RFTN1: variants seen among roughly 807,000 people sequenced by gnomAD.
The protein encoded by RFTN1 is raftlin.
Under a neutral mutation model 46.5 loss-of-function variants are expected in RFTN1, and 26 were observed. The observed-to-expected ratio is 0.56, with a 90% CI of 0.41 to 0.78. The LOEUF (loss-of-function observed/expected upper bound fraction) is 0.78, where lower values mean the gene tolerates loss of function less well. Among genes scored for constraint, RFTN1 ranks in the 30% least tolerant of loss-of-function variants. The pLI is 0.00. For missense variants in RFTN1, 693 were observed against 718.7 expected (o/e 0.96, Z 0.41); for synonymous variants, 261 against 284.2 (o/e 0.92, Z 0.82).
At chr3:16,463,839 T>C (rs2076045934) in intron 2 of RFTN1, among the ~76,000 whole-genome samples, 1 of 152,128 alleles carries the variant, frequency 6.6e-6, no homozygotes, top group Non-Finnish European at 1.5e-5. Context: ...GTCAGGAAAA[T>C]AGAGTTGGGG....
At chr3:16,455,059 A>G (rs2075882478) in intron 2 of RFTN1, among the ~76,000 whole-genome samples, 1 of 152,134 alleles carries the variant, frequency 6.6e-6, no homozygotes, top group East Asian at 1.9e-4. Context: ...CTGATAAATG[A>G]GGGCTGGCGG....
Position 16,402,008 on chromosome 3 carries a change from G to C in RFTN1, c.441+7367C>G, listed in dbSNP as rs533082934. Among the ~76,000 whole-genome samples the C allele has an allele frequency of 1.4e-3, 208 of 152,264 alleles. 2 individuals carry two copies. The highest frequency in any genetic ancestry group is 4.8e-3 in the African/African-American group (198 of 41,564). ...CCACATCTCTGTTCCTGGCTTTCTT[G>C]CAAGTCCCAGCCCAACAACCACAGC... On this transcript the variant is annotated intron_variant, in intron 4 of 9. Transcript: ENST00000334133. This position sits in a 1 kb window ranked among gnomAD's most constrained non-coding sequence, Gnocchi z 4.5.
Position 16,335,148 on chromosome 3 carries a change from TTTG to T in RFTN1, c.1147-8275_1147-8273del, listed in dbSNP as rs1330575765. Among the ~76,000 whole-genome samples the T allele has an allele frequency of 2.6e-5, 4 of 152,218 alleles. No individual in the cohort carries two copies. The highest frequency in any genetic ancestry group is 2.6e-4 in the Admixed American group (4 of 15,280). ...TTGTTTTAAGTCACTAAATCTGTGA[TTTG>T]TTGCCGCAGCAACAGGAAATTAATC... On this transcript the variant is annotated intron_variant, in intron 7 of 9. Coordinates refer to ENST00000334133, the MANE Select transcript of RFTN1 (RefSeq NM_015150.2). This position sits in a 1 kb window ranked among gnomAD's most constrained non-coding sequence, Gnocchi z 4.7.
At chr3:16,454,304 T>A (rs894135946) in intron 2 of RFTN1, among the ~76,000 whole-genome samples, 1 of 152,250 alleles carries the variant, frequency 6.6e-6, no homozygotes, top group Non-Finnish European at 1.5e-5. Flanking sequence ...AGTGAGACCA[T>A]GCCGTGCTGA....
chr3:16,382,783 T>C lies in RFTN1; in HGVS notation c.442-4681A>G, dbSNP rs140729809. On this transcript the variant is annotated intron_variant, in intron 4 of 9. Transcript: ENST00000334133. The surrounding 1 kb of genome is among the most constrained non-coding windows in gnomAD (Gnocchi z 4.7). Reference sequence around the variant, plus strand: ...TCTGGAATTACTTCCTCCTTCTCCATAAAGTGACCATCCAAGCTCACTTTA... The same window carrying C: ...TCTGGAATTACTTCCTCCTTCTCCACAAAGTGACCATCCAAGCTCACTTTA... 1.6e-3 allele frequency among the ~76,000 whole-genome samples: 249 copies of C among 152,296 alleles called. 1 individual carries two copies. The highest frequency in any genetic ancestry group is 0.01 in the Middle Eastern group (3 of 294).
chr3:16,331,974 A>ATC (rs1468219485), intron 7 of RFTN1, among the ~76,000 whole-genome samples: 1 of 152,236 alleles, frequency 6.6e-6, no homozygotes, highest in Non-Finnish European at 1.5e-5. Flanking sequence ...TGCTATTGAG[A>ATC]TAATCTATTC....
chr3:16,437,637 G>C (rs2075542328), intron 2 of RFTN1, among the ~76,000 whole-genome samples: 1 of 152,050 alleles, frequency 6.6e-6, no homozygotes, highest in African/African-American at 2.4e-5. Flanking sequence ...CTCCAGCCTG[G>C]GGTGACAGAG....
chr3:16,507,818 CATACAT>C lies in RFTN1; in HGVS notation c.-9+5618_-9+5623del, dbSNP rs754111800. On this transcript the variant is annotated intron_variant, in intron 1 of 9. Transcript: ENST00000334133. The surrounding 1 kb of genome is among the most constrained non-coding windows in gnomAD (Gnocchi z 7.1). ...AAACACACACAAACGCACATACATACATACATACACACACACACACATACACACATA... is the reference window on the plus strand; with the variant it reads ...AAACACACACAAACGCACATACATACACACACACACACACATACACACATA... Among the ~76,000 whole-genome samples, 2 of 129,996 alleles carry C rather than the reference CATACAT, an allele frequency of 1.5e-5. No homozygotes were observed. Among genetic ancestry groups the C allele is most frequent in the African/African-American group, 5.8e-5 (2 of 34,720 alleles). The allele number at this position is 129,996 out of a possible 152,430, so 85.3% of individuals were successfully genotyped here. A position where few individuals can be genotyped will look rare whatever the true frequency, so the allele number is the denominator to read the frequency against.
chr3:16,344,207 A>C lies in RFTN1; in HGVS notation c.1146+13725T>G, dbSNP rs1031207562. On this transcript the variant is annotated intron_variant, in intron 7 of 9. Transcript: ENST00000334133. The surrounding 1 kb of genome is among the most constrained non-coding windows in gnomAD (Gnocchi z 4.4). ...GTTGATACTTAAATGTATTCCTATTACATTTTATTGGGCTGGTTTTTGTCC... is the reference window on the plus strand; with the variant it reads ...GTTGATACTTAAATGTATTCCTATTCCATTTTATTGGGCTGGTTTTTGTCC... Among the ~76,000 whole-genome samples, 5 of 152,204 alleles carry C rather than the reference A, an allele frequency of 3.3e-5. No individual in the cohort carries two copies. Among genetic ancestry groups the C allele is most frequent in the Admixed American group, 6.5e-5 (1 of 15,272 alleles).
Position 16,407,370 on chromosome 3 carries a change from T to TTG in RFTN1, c.441+2003_441+2004dup. Among the ~76,000 whole-genome samples the TTG allele has an allele frequency of 6.6e-6, 1 of 152,126 alleles. No homozygotes were observed. Among genetic ancestry groups the TTG allele is most frequent in the African/African-American group, 2.4e-5 (1 of 41,494 alleles). On this transcript the variant is annotated intron_variant, in intron 4 of 9. Coordinates refer to ENST00000334133, the MANE Select transcript of RFTN1 (RefSeq NM_015150.2). The surrounding 1 kb of genome is among the most constrained non-coding windows in gnomAD (Gnocchi z 4.0). ...GCTTTTTAAAGAGACTTTTTTTTTT[T>TTG]TGGCAGAGATGGAGGTCTCACTATG... is the stretch of plus-strand genomic sequence containing the variant.
At chr3:16,462,790 C>G (rs1429141838) in intron 2 of RFTN1, among the ~76,000 whole-genome samples, 2 of 152,226 alleles carry the variant, frequency 1.3e-5, no homozygotes, top group Non-Finnish European at 2.9e-5. Flanking sequence ...TAATACACTA[C>G]CTCAATGGGT....
rs1300639394 is a variant in RFTN1 at position 16,413,437 on chromosome 3, C to A, written c.333-3954G>T. Among the ~76,000 whole-genome samples, 1 of 152,226 alleles carries A rather than the reference C, an allele frequency of 6.6e-6. No homozygotes were observed. The highest frequency in any genetic ancestry group is 1.9e-4 in the East Asian group (1 of 5,204). On this transcript the variant is annotated intron_variant, in intron 3 of 9. Transcript: ENST00000334133. The surrounding 1 kb of genome is among the most constrained non-coding windows in gnomAD (Gnocchi z 4.7). The stretch of plus-strand genomic sequence containing the variant: ...AACCTGAAACTCCCAGCTGAGCAGG[C>A]ATTGCCACCTTCCTATGGGGTAGTG...
In RFTN1 at chr3:16,418,677, A is replaced by T. The variant is rs1447653395; in HGVS notation, c.333-9194T>A. On this transcript the variant is annotated intron_variant, in intron 3 of 9. Transcript: ENST00000334133. This position sits in a 1 kb window ranked among gnomAD's most constrained non-coding sequence, Gnocchi z 5.0. ...TCAAATAGAATAATCAGAACAGCTT[A>T]TTTTTTTTTTTTTAAAGAAGTATTA... Among the ~76,000 whole-genome samples, 7 of 149,092 alleles carry T rather than the reference A, an allele frequency of 4.7e-5. No individual in the cohort carries two copies. Among genetic ancestry groups the T allele is most frequent in the East Asian group, 2.0e-4 (1 of 5,128 alleles).
Position 16,387,927 on chromosome 3 carries a change from G to T in RFTN1, c.442-9825C>A, listed in dbSNP as rs1559315340. Among the ~76,000 whole-genome samples the T allele has an allele frequency of 6.6e-6, 1 of 152,228 alleles. No homozygotes were observed. Among genetic ancestry groups the T allele is most frequent in the East Asian group, 1.9e-4 (1 of 5,186 alleles). ...TGGCCTCACCACCACCTTTCTGCTG[G>T]TTTTCTTCCTGCATGCTGGCCTGTA... On this transcript the variant is annotated intron_variant, in intron 4 of 9. Transcript: ENST00000334133. This position sits in a 1 kb window ranked among gnomAD's most constrained non-coding sequence, Gnocchi z 5.2.
At chr3:16,331,810 C>T (rs1344966951) in intron 7 of RFTN1, among the ~76,000 whole-genome samples, 1 of 152,174 alleles carries the variant, frequency 6.6e-6, no homozygotes, top group East Asian at 1.9e-4. Context: ...TGTAGTGACT[C>T]TCTAGGCAAC....
At position 16,473,948 on chromosome 3, in the gene RFTN1, C is replaced by A. The variant is rs757545684; in HGVS notation, c.145+19777G>T. Among the ~76,000 whole-genome samples, 2 of 152,184 alleles carry A rather than the reference C, an allele frequency of 1.3e-5. No individual in the cohort carries two copies. The highest frequency in any genetic ancestry group is 2.9e-5 in the Non-Finnish European group (2 of 68,034). Reference sequence around the variant, plus strand: ...GGGCTGTGCCACATTCCACACTGTTCTATCGTGCAGTTGCCCACCCAATAT... The same window carrying A: ...GGGCTGTGCCACATTCCACACTGTTATATCGTGCAGTTGCCCACCCAATAT... On this transcript the variant is annotated intron_variant, in intron 2 of 9. Transcript: ENST00000334133. The surrounding 1 kb of genome is among the most constrained non-coding windows in gnomAD (Gnocchi z 5.3).
chr3:16,415,430 T>TATATATATATACAC, intron 3 of RFTN1, among the ~76,000 whole-genome samples: 138 of 114,332 alleles, frequency 1.2e-3, no homozygotes, highest in African/African-American at 3.6e-3. Flanking sequence ...TATATATATA[T>TATATATATATACAC]ACACACACAC....
At position 16,361,875 on chromosome 3, in the gene RFTN1, A is replaced by C. The variant is rs1047275890; in HGVS notation, c.1031-3828T>G. 2.6e-5 allele frequency among the ~76,000 whole-genome samples: 4 copies of C among 152,208 alleles called. No individual in the cohort carries two copies. The highest frequency in any genetic ancestry group is 1.5e-5 in the Non-Finnish European group (1 of 68,036). On this transcript the variant is annotated intron_variant, in intron 6 of 9. Transcript: ENST00000334133. This position sits in a 1 kb window ranked among gnomAD's most constrained non-coding sequence, Gnocchi z 4.3. ...TTGGTTCTAGGGAGATGAAGGACAAATGGAGCAGAGCTGCCGCAGTGGAGC... is the reference window on the plus strand; with the variant it reads ...TTGGTTCTAGGGAGATGAAGGACAACTGGAGCAGAGCTGCCGCAGTGGAGC...
rs144416817 is a variant in RFTN1 at position 16,361,221 on chromosome 3, G to T, written c.1031-3174C>A. Among the ~76,000 whole-genome samples, 732 of 152,208 alleles carry T rather than the reference G, an allele frequency of 4.8e-3. 7 individuals are homozygous for T. Among genetic ancestry groups the T allele is most frequent in the African/African-American group, 0.016 (681 of 41,526 alleles). On this transcript the variant is annotated intron_variant, in intron 6 of 9. Coordinates refer to ENST00000334133, the MANE Select transcript of RFTN1 (RefSeq NM_015150.2). This position sits in a 1 kb window ranked among gnomAD's most constrained non-coding sequence, Gnocchi z 4.3. ...GAGGAGTCTAAAAATGGCATATAGG[G>T]CCTCAGAAGGGTGAGTGACATGTTA...
Sources: gnomAD v4.1 joint callset for allele counts (sites outside exome capture counted in the v4.1 genomes callset) on GRCh38, gnomAD v4.1.1 for gene constraint, Gnocchi (gnomAD v3.1) non-coding constraint, MANE v1.5 for transcripts, NCBI Gene and HGNC (gene_info 2026-07-23, HGNC 2026-07-21) for gene names.